Variants in SBF2 observed in about 807,000 individuals in gnomAD.
SBF2 encodes myotubularin-related protein 13.
SBF2 carries 112 observed loss-of-function variants against 225.2 expected under a neutral mutation model. That is an observed-to-expected ratio of 0.50 (90% CI 0.43 to 0.58). The LOEUF (loss-of-function observed/expected upper bound fraction) is 0.58. Among genes scored for constraint, SBF2 ranks in the 20% least tolerant of loss-of-function variants. SBF2 has a pLI of 0.00. For synonymous variants in SBF2, 763 were observed against 773.3 expected (o/e 0.99, Z 0.22); for missense variants, 1,996 against 2,206.2 (o/e 0.90, Z 1.91).
At position 9,780,437 on chromosome 11, in the gene SBF2, C is replaced by T; in HGVS notation, c.5531G>A (p.Ser1844Asn). 6.2e-7 allele frequency: 1 copy of T among 1,613,996 alleles called. No homozygotes were observed. Among genetic ancestry groups the T allele is most frequent in the Non-Finnish European group, 8.5e-7 (1 of 1,179,900 alleles). Residue 1844 changes from serine to asparagine, a missense_variant, in exon 40 of 40, where the codon AGT (serine) becomes AAT (asparagine). Transcript: ENST00000256190. ...SAQQWMDKIQ[S>N]CISDA ...TGGGCATCAGGCATCAGAGATACAA[C>T]TCTGGATCTTGTCCATCCATTGCTG...
At chr11:9,892,009 A>G (rs1268940363) in intron 17 of SBF2, among the ~76,000 whole-genome samples, 1 of 152,236 alleles carries the variant, frequency 6.6e-6, no homozygotes, top group Non-Finnish European at 1.5e-5. Flanking sequence ...AATTAGGTAT[A>G]TGTGCTATTA....
At chr11:9,994,298 C>T (rs951853464) in intron 9 of SBF2, among the ~76,000 whole-genome samples, 2 of 151,494 alleles carry the variant, frequency 1.3e-5, no homozygotes, top group African/African-American at 4.9e-5. Flanking sequence ...CACGGTGAAA[C>T]CCCATCTCTA....
chr11:10,001,401 C>T (rs6483879), intron 7 of SBF2, among the ~76,000 whole-genome samples: 149,633 of 152,224 alleles, frequency 0.98, 73,591 homozygotes, highest in Middle Eastern at 1. Flanking sequence ...TTTATCTATA[C>T]AAAACAAGCA....
chr11:10,196,569 G>T (rs73415080), intron 1 of SBF2, among the ~76,000 whole-genome samples: 1 of 151,568 alleles, frequency 6.6e-6, no homozygotes, highest in Non-Finnish European at 1.5e-5. Context: ...TGTAGAGACC[G>T]GGTTTCGCCA....
intron 22 of SBF2, 61 bp from the exon 23 acceptor site, chr11:9,847,144 T>G: frequency 6.3e-7 from 1 of 1,583,550 alleles, no homozygotes; most frequent in Non-Finnish European, 8.7e-7. Flanking sequence ...TTAGAGTGTC[T>G]ACTGCTTACT....
At position 9,833,711 on chromosome 11, in the gene SBF2, T is replaced by C. The variant is rs186809119; in HGVS notation, c.3456-1291A>G. Among the ~76,000 whole-genome samples, 723 of 149,758 alleles carry C rather than the reference T, an allele frequency of 4.8e-3. 7 individuals are homozygous for C. Among genetic ancestry groups the C allele is most frequent in the African/African-American group, 0.015 (603 of 40,824 alleles). On this transcript the variant is annotated intron_variant, in intron 26 of 39. Transcript: ENST00000256190. ...CTGGGATTACAGGCATGAGCCACCG[T>C]GCCCAGCTGGTGATTTATAAATTTT...
intron 1 of SBF2, among the ~76,000 whole-genome samples, chr11:10,246,049 C>T (rs992322901): frequency 1.3e-5 from 2 of 152,078 alleles, no homozygotes; most frequent in Non-Finnish European, 2.9e-5. Flanking sequence ...TCCTAGAGAT[C>T]TATTGTCCGA....
rs145822773 is a variant in SBF2 at position 10,063,646 on chromosome 11, C to T, written c.142-20665G>A. ...TGCTGGGATTACAGACGTGAGCCAC[C>T]GCGCCTGGCCAAAAATTTTTTAAAA... On this transcript the variant is annotated intron_variant, in intron 2 of 39. Transcript: ENST00000256190. Among the ~76,000 whole-genome samples, 1,076 of 151,440 alleles carry T rather than the reference C, an allele frequency of 7.1e-3. 23 individuals carry two copies. Among genetic ancestry groups the T allele is most frequent in the African/African-American group, 0.025 (1,025 of 41,258 alleles).
intron 1 of SBF2, among the ~76,000 whole-genome samples, chr11:10,273,923 C>T (rs1388985413): frequency 1.3e-5 from 2 of 152,204 alleles, no homozygotes; most frequent in Non-Finnish European, 2.9e-5. Flanking sequence ...CATATGATGG[C>T]AGACCACAAA....
At chr11:9,821,234 C>CAGG (rs1854734950) in intron 28 of SBF2, among the ~76,000 whole-genome samples, 1 of 152,120 alleles carries the variant, frequency 6.6e-6, no homozygotes, top group South Asian at 2.1e-4. Flanking sequence ...TACAGGCACT[C>CAGG]AAAGAATTTG....
intron 17 of SBF2, among the ~76,000 whole-genome samples, chr11:9,865,284 C>T (rs901047832): frequency 3.3e-5 from 5 of 151,938 alleles, no homozygotes; most frequent in African/African-American, 1.2e-4. Context: ...ATTATTATAA[C>T]CAACCTGTAC....
intron 1 of SBF2, among the ~76,000 whole-genome samples, chr11:10,229,059 C>T (rs1018654815): frequency 2.0e-5 from 3 of 151,576 alleles, no homozygotes; most frequent in African/African-American, 2.4e-5. Context: ...GAGGGTGTGT[C>T]GAGGAATTTA....
chr11:9,963,695 G>C, intron 15 of SBF2, 78 bp downstream of exon 15: 1 of 729,620 alleles, frequency 1.4e-6, no homozygotes, highest in Non-Finnish European at 2.5e-6. Context: ...TTAAAGAAGA[G>C]AGAAGCTGGT....
In SBF2 at chr11:9,949,706, A is replaced by G. The variant is rs186064750; in HGVS notation, c.1860+12251T>C. On this transcript the variant is annotated intron_variant, in intron 16 of 39. Coordinates refer to ENST00000256190, the MANE Select transcript of SBF2 (RefSeq NM_030962.4). ...TTCTGCATTTACATTCATAAGAAAAAGGGGCTTTTTTTTCCTTTCTTTATA... is the reference window on the plus strand; with the variant it reads ...TTCTGCATTTACATTCATAAGAAAAGGGGGCTTTTTTTTCCTTTCTTTATA... Among the ~76,000 whole-genome samples the G allele has an allele frequency of 3.8e-3, 578 of 152,206 alleles. 4 individuals carry two copies. The highest frequency in any genetic ancestry group is 5.4e-3 in the South Asian group (26 of 4,826).
At chr11:9,999,230 G>A (rs534718810) in intron 8 of SBF2, among the ~76,000 whole-genome samples, 4 of 152,130 alleles carry the variant, frequency 2.6e-5, no homozygotes, top group South Asian at 2.1e-4. Context: ...TACCTCCAGC[G>A]ACTGTTTTTA....
chr11:10,213,034 C>A (rs533308972), intron 1 of SBF2, among the ~76,000 whole-genome samples: 5 of 148,734 alleles, frequency 3.4e-5, no homozygotes, highest in Non-Finnish European at 4.4e-5. Flanking sequence ...GGCGACAGAG[C>A]AAGACTCTGT....
At position 10,124,871 on chromosome 11, in the gene SBF2, G is replaced by A. The variant is rs201248063; in HGVS notation, c.141+69031C>T. ...TGTAATCTCAGCACTTTGGGAGGCC[G>A]AGGCAGGCGGATCACCTGAGGTCAG... On this transcript the variant is annotated intron_variant, in intron 2 of 39. Coordinates refer to ENST00000256190, the MANE Select transcript of SBF2 (RefSeq NM_030962.4). 7.8e-4 allele frequency among the ~76,000 whole-genome samples: 119 copies of A among 152,190 alleles called. 1 individual carries two copies. The East Asian group carries it at 0.018, about 23-fold the overall frequency.
intron 9 of SBF2, among the ~76,000 whole-genome samples, chr11:9,996,156 A>C (rs1362526111): frequency 6.6e-6 from 1 of 152,176 alleles, no homozygotes; most frequent in Non-Finnish European, 1.5e-5. Context: ...TGGCTTAAGA[A>C]GTACAATCTT....
At chr11:9,820,026 T>G (rs1854662347) in intron 28 of SBF2, among the ~76,000 whole-genome samples, 1 of 152,182 alleles carries the variant, frequency 6.6e-6, no homozygotes, top group Non-Finnish European at 1.5e-5. Flanking sequence ...CAGGCAGTAT[T>G]AGAGATAATA....
Sources: allele counts gnomAD v4.1 joint callset (sites outside exome capture counted in the v4.1 genomes callset), GRCh38; gene constraint gnomAD v4.1.1; transcripts MANE v1.5; gene names NCBI Gene and HGNC (gene_info 2026-07-23, HGNC 2026-07-21).